MEGF8: variants seen among roughly 807,000 people sequenced by gnomAD.
The protein encoded by MEGF8 is multiple epidermal growth factor-like domains protein 8.
Under a neutral mutation model 302.9 loss-of-function variants are expected in MEGF8, and 156 were observed. The observed-to-expected ratio is 0.52, with a 90% CI of 0.45 to 0.59. The LOEUF is 0.59. MEGF8 is among the 20% of genes least tolerant of loss of function. The pLI is 0.00. For missense variants in MEGF8, 3,345 were observed against 3,964.5 expected (o/e 0.84, Z 4.20); for synonymous variants, 1,621 against 1,660.5 (o/e 0.98, Z 0.58).
chr19:42,375,219 C>T lies in MEGF8; in HGVS notation c.7270-288C>T, dbSNP rs148503006. Reference sequence around the variant, plus strand: ...CAAGGAGGTAGAGCCAGAATGCAGCCGCGTTCTTCACTGCTGTGCCTCAGA... The same window carrying T: ...CAAGGAGGTAGAGCCAGAATGCAGCTGCGTTCTTCACTGCTGTGCCTCAGA... On this transcript the variant is annotated intron_variant, in intron 41 of 41. Coordinates refer to ENST00000251268, the MANE Select transcript of MEGF8 (RefSeq NM_001271938.2). This position sits in a 1 kb window ranked among gnomAD's most constrained non-coding sequence, Gnocchi z 7.1. Among the ~76,000 whole-genome samples the T allele has an allele frequency of 4.2e-4, 64 of 152,284 alleles. No individual in the cohort carries two copies. In the East Asian group the frequency reaches 9.3e-3, roughly 22 times the overall value.
rs2039642552 is a variant in MEGF8, at chr19:42,368,699, C to T, written c.6481+37C>T. The stretch of plus-strand genomic sequence containing the variant: ...TTGGGCACTGGGGGAGAGGGGCTGG[C>T]CCTTGGTTGGGGTCTGATACAGTGA... On this transcript the variant is annotated intron_variant, in intron 36 of 41. Transcript: ENST00000251268. The surrounding 1 kb of genome is among the most constrained non-coding windows in gnomAD (Gnocchi z 4.9). 4.6e-6 allele frequency: 7 copies of T among 1,530,490 alleles called. No homozygotes were observed. Among genetic ancestry groups the T allele is most frequent in the Non-Finnish European group, 6.1e-6 (7 of 1,139,920 alleles). The allele number at this position is 1,530,490 out of a possible 1,614,324, so 94.8% of individuals were successfully genotyped here. A position where few individuals can be genotyped will look rare whatever the true frequency, so the allele number is the denominator to read the frequency against.
intron 12 of MEGF8, among the ~76,000 whole-genome samples, chr19:42,346,139 A>G (rs949541285): frequency 2.0e-5 from 3 of 152,152 alleles, no homozygotes; most frequent in Non-Finnish European, 4.4e-5. Context: ...TGACCTCATG[A>G]TCTGCCTGCC....
rs569999322 is a variant in MEGF8, at chr19:42,356,692, C to T, written c.4623-82C>T. ...CATAGGAAGGTCACCCCAGGGGATG[C>T]GGGGACATCTGTCAGGCAGGGTCAC... is the stretch of plus-strand genomic sequence containing the variant. On this transcript the variant is annotated intron_variant, in intron 26 of 41. Transcript: ENST00000251268. This position sits in a 1 kb window ranked among gnomAD's most constrained non-coding sequence, Gnocchi z 5.2. 79 of 1,383,852 alleles carry T rather than the reference C, an allele frequency of 5.7e-5. No individual in the cohort carries two copies. Among genetic ancestry groups the T allele is most frequent in the Admixed American group, 6.7e-5 (3 of 44,872 alleles). 85.7% of individuals were successfully genotyped at this position (1,383,852 alleles called of 1,614,324 possible). A position where few individuals can be genotyped will look rare whatever the true frequency, so the allele number is the denominator to read the frequency against.
At chr19:42,335,272 C>T (rs1600015799) in intron 4 of MEGF8, 25 bp from the exon 5 acceptor site, 1 of 1,613,926 alleles carries the variant, frequency 6.2e-7, no homozygotes, top group Non-Finnish European at 8.5e-7. Context: ...ATGGCCAGGG[C>T]ATGAGACTAT....
At position 42,353,920 on chromosome 19, in the gene MEGF8, G is replaced by A. The variant is rs999663520; in HGVS notation, c.3907G>A (p.Val1303Met). 6.3e-7 allele frequency: 1 copy of A among 1,590,704 alleles called. No individual in the cohort carries two copies. Among genetic ancestry groups the A allele is most frequent in the Non-Finnish European group, 8.6e-7 (1 of 1,168,834 alleles). ...AGCCGGGCCTGGCCTGTCCTACTGT[G>A]TGTGGGTTGTCTCGGCCACTGAGGA... ...ARAGPGLSYCVWVVSATEELQ... is the reference protein window; with the variant it reads ...ARAGPGLSYCMWVVSATEELQ... Residue 1303 changes from valine (V) to methionine (M), a missense_variant, in exon 22 of 42, where the codon GTG becomes ATG. Physicochemically the swap from Val to Met is conservative, Grantham distance 21. Transcript: ENST00000251268. This position sits in a 1 kb window ranked among gnomAD's most constrained non-coding sequence, Gnocchi z 6.1.
chr19:42,333,552 G>A (rs1225239711), intron 1 of MEGF8, 53 bp from the exon 2 acceptor site: 3 of 1,559,924 alleles, frequency 1.9e-6, no homozygotes, highest in African/African-American at 2.7e-5. Context: ...CTGCAGGGAG[G>A]TGTGGGGAGA....
In MEGF8 at chr19:42,352,938, G is replaced by T. The variant is rs1440284990; in HGVS notation, c.3361G>T (p.Asp1121Tyr). ...AACACGGCCCCTCAGGTGCTTGGAG[G>T]ACTGTGGCCATGGTGTGTGCAGTGG... ...ISHCNRTCLE[D>Y]CGHGVCSGPP... The change falls in exon 20 of 42, where the codon GAC (aspartate) becomes TAC (tyrosine). Residue 1121 changes from aspartate (D) to tyrosine (Y), a missense_variant. Transcript: ENST00000251268. This position sits in a 1 kb window ranked among gnomAD's most constrained non-coding sequence, Gnocchi z 4.4. 6.3e-7 allele frequency: 1 copy of T among 1,597,638 alleles called. No homozygotes were observed. Among genetic ancestry groups the T allele is most frequent in the Middle Eastern group, 1.7e-4 (1 of 5,872 alleles).
chr19:42,363,399 T>G, intron 35 of MEGF8, 137 bp downstream of exon 35: 1 of 753,012 alleles, frequency 1.3e-6, no homozygotes, highest in East Asian at 2.7e-5. Context: ...GCAGTCGTGC[T>G]TCCTTCTCGT....
Position 42,370,314 on chromosome 19 carries a change from A to G in MEGF8, c.6960A>G (p.Gln2320=), listed in dbSNP as rs749556085. 86 of 1,609,208 alleles carry G rather than the reference A, an allele frequency of 5.3e-5. No homozygotes were observed. Among genetic ancestry groups the G allele is most frequent in the Non-Finnish European group, 7.0e-5 (83 of 1,177,750 alleles). Residue 2320 remains glutamine (Q), a synonymous_variant, in exon 39 of 42, where the codon CAA becomes CAG. Coordinates refer to ENST00000251268, the MANE Select transcript of MEGF8 (RefSeq NM_001271938.2). The stretch of plus-strand genomic sequence containing the variant: ...TCTGCATCTCCAGGAAGGAGTTACA[A>G]ATGTCCAAGGGAGAGCCAAAGAAGT... ...SHICISRKEL[Q]MSKGEPKKYS... is the part of the protein sequence containing the mutation.
At position 42,353,045 on chromosome 19, in the gene MEGF8, C is replaced by T. The variant is rs1472057040; in HGVS notation, c.3468C>T (p.Ala1156=). 18 of 1,553,484 alleles carry T rather than the reference C, an allele frequency of 1.2e-5. No individual in the cohort carries two copies. Among genetic ancestry groups the T allele is most frequent in the African/African-American group, 2.7e-5 (2 of 73,130 alleles). ...CCACACCCGCCCCGGGTCCGCCAGC[C>T]CCCCGCTGCTCCCGGGACTGTGGCT... The part of the protein sequence containing the change: ...PPPTPAPGPP[A]PRCSRDCGCS... The change falls in exon 20 of 42, where the codon GCC becomes GCT. Residue 1156 remains alanine, a synonymous_variant. Coordinates refer to ENST00000251268, the MANE Select transcript of MEGF8 (RefSeq NM_001271938.2). The surrounding 1 kb of genome is among the most constrained non-coding windows in gnomAD (Gnocchi z 6.1).
chr19:42,339,320 C>G (rs1275631968), intron 8 of MEGF8, among the ~76,000 whole-genome samples: 1 of 152,222 alleles, frequency 6.6e-6, no homozygotes, highest in East Asian at 1.9e-4. Flanking sequence ...AATCTTCAAA[C>G]TGCTTTCCAC....
chr19:42,343,452 G>A (rs757360201), intron 8 of MEGF8, 25 bp from the exon 9 acceptor site: 3 of 1,569,932 alleles, frequency 1.9e-6, no homozygotes, highest in Non-Finnish European at 2.6e-6. Flanking sequence ...GTCTAATAAT[G>A]TCATTGGGGT....
intron 8 of MEGF8, among the ~76,000 whole-genome samples, chr19:42,338,823 G>GTTTT (rs1568558802): frequency 1.3e-5 from 1 of 79,634 alleles, no homozygotes; most frequent in African/African-American, 4.8e-5. Context: ...TTCTTTCTAT[G>GTTTT]TATTTTTTTT....
chr19:42,351,832 C>A lies in MEGF8; in HGVS notation c.3101+71C>A. ...CCTCCATGACCGGTCATTCTAATGG[C>A]CTCTTTGCTTCTCTGCCCTCTTGCC... On this transcript the variant is annotated intron_variant, in intron 18 of 41. Coordinates refer to ENST00000251268, the MANE Select transcript of MEGF8 (RefSeq NM_001271938.2). The surrounding 1 kb of genome is among the most constrained non-coding windows in gnomAD (Gnocchi z 5.6). The A allele has an allele frequency of 6.2e-6, 8 of 1,294,642 alleles. No homozygotes were observed. The highest frequency in any genetic ancestry group is 8.7e-6 in the Non-Finnish European group (8 of 917,340). The allele number at this position is 1,294,642 out of a possible 1,614,324, so 80.2% of individuals were successfully genotyped here. A position where few individuals can be genotyped will look rare whatever the true frequency, so the allele number is the denominator to read the frequency against.
chr19:42,351,769 CGGGCAGGTGGGT>C lies in MEGF8; in HGVS notation c.3101+16_3101+27del, dbSNP rs1568565820. 6 of 1,563,386 alleles carry C rather than the reference CGGGCAGGTGGGT, an allele frequency of 3.8e-6. No homozygotes were observed. Among genetic ancestry groups the C allele is most frequent in the Non-Finnish European group, 5.2e-6 (6 of 1,154,370 alleles). Reference sequence around the variant, plus strand: ...CAACCCCACACTGGGACGGTGAGCCCGGGCAGGTGGGTGGGCAGGGTGCCCGGCTGTGTCCTT... The same window carrying C: ...CAACCCCACACTGGGACGGTGAGCCCGGGCAGGGTGCCCGGCTGTGTCCTT... On this transcript the variant is annotated intron_variant, in intron 18 of 41. Transcript: ENST00000251268. This position sits in a 1 kb window ranked among gnomAD's most constrained non-coding sequence, Gnocchi z 5.6.
chr19:42,365,444 A>C (rs2039590456), intron 35 of MEGF8, among the ~76,000 whole-genome samples: 1 of 151,986 alleles, frequency 6.6e-6, no homozygotes, highest in Non-Finnish European at 1.5e-5. Flanking sequence ...GACTTTTACC[A>C]GACTTTCTAT....
intron 35 of MEGF8, among the ~76,000 whole-genome samples, chr19:42,366,969 C>T (rs1486436812): frequency 6.6e-6 from 1 of 152,238 alleles, no homozygotes; most frequent in East Asian, 1.9e-4. Flanking sequence ...CCAGCCACAG[C>T]AGTCAGGGTT....
At position 42,349,538 on chromosome 19, in the gene MEGF8, A is replaced by G. The variant is rs777295481; in HGVS notation, c.2338A>G (p.Thr780Ala). The G allele has an allele frequency of 6.2e-7, 1 of 1,612,080 alleles. No individual in the cohort carries two copies. The highest frequency in any genetic ancestry group is 8.5e-7 in the Non-Finnish European group (1 of 1,179,750). The change falls in exon 14 of 42, where the codon ACG becomes GCG. Residue 780 changes from threonine (T) to alanine (A), a missense_variant. By Grantham distance (58) the Thr-to-Ala change is moderately conservative. Transcript: ENST00000251268. The stretch of plus-strand genomic sequence containing the variant: ...CTGGGTGGCTCATCAGGAGAAGGAG[A>G]CGCGGCGGCTGCAGCGCCCTGGGTC... Reference protein sequence around the residue: ...GRWVAHQEKETRRLQRPGSAR... With the variant: ...GRWVAHQEKEARRLQRPGSAR...
intron 35 of MEGF8, among the ~76,000 whole-genome samples, chr19:42,367,420 C>G (rs1416712624): frequency 6.6e-6 from 1 of 152,078 alleles, no homozygotes; most frequent in African/African-American, 2.4e-5. Context: ...TCCTGCGTAG[C>G]TGGGACTACA....
Sources: allele counts gnomAD v4.1 joint callset (sites outside exome capture counted in the v4.1 genomes callset), GRCh38; gene constraint gnomAD v4.1.1; non-coding constraint Gnocchi (gnomAD v3.1); transcripts MANE v1.5; gene names NCBI Gene and HGNC (gene_info 2026-07-23, HGNC 2026-07-21).